Variants in CNTN4 observed in about 807,000 individuals in gnomAD.
The protein encoded by CNTN4 is contactin 4.
Under a neutral mutation model 122.5 loss-of-function variants are expected in CNTN4, and 77 were observed. The ratio of observed to expected loss-of-function variants is 0.63; its 90% confidence interval spans 0.52 to 0.76. The LOEUF (loss-of-function observed/expected upper bound fraction) is 0.76. Ranked by LOEUF, CNTN4 falls within the 30% of genes least tolerant of loss-of-function variation. CNTN4 has a pLI of 0.00. For synonymous variants in CNTN4, 512 were observed against 447.0 expected (o/e 1.15, Z -1.83); for missense variants, 1,256 against 1,259.1 (o/e 1.00, Z 0.04).
intron 9 of CNTN4, among the ~76,000 whole-genome samples, chr3:2,886,702 C>T (rs963840104): frequency 4.0e-5 from 6 of 151,218 alleles, no homozygotes; most frequent in African/African-American, 1.2e-4. Flanking sequence ...TTAGTAGAGA[C>T]GGGGTTTCAC....
Position 2,290,368 on chromosome 3 carries a change from A to G in CNTN4, c.-144-48810A>G, listed in dbSNP as rs17011933. 2.1e-3 allele frequency among the ~76,000 whole-genome samples: 318 copies of G among 152,270 alleles called. 2 individuals carry two copies. The highest frequency in any genetic ancestry group is 6.9e-3 in the African/African-American group (285 of 41,558). On this transcript the variant is annotated intron_variant, in intron 2 of 24. Transcript: ENST00000418658. ...GTTATGACTTGAATAACACTGCACTAATTGTGTTTTATGGAATTGACATTG... is the reference window on the plus strand; with the variant it reads ...GTTATGACTTGAATAACACTGCACTGATTGTGTTTTATGGAATTGACATTG...
At chr3:2,708,012 C>A (rs577639916) in intron 4 of CNTN4, among the ~76,000 whole-genome samples, 7 of 152,114 alleles carry the variant, frequency 4.6e-5, no homozygotes, top group Non-Finnish European at 1.0e-4. Context: ...AAAATGATTA[C>A]TTGTTTTATA....
intron 4 of CNTN4, among the ~76,000 whole-genome samples, chr3:2,657,078 A>C (rs562709598): frequency 6.6e-6 from 1 of 152,368 alleles, no homozygotes; most frequent in African/African-American, 2.4e-5. Flanking sequence ...CAACTGTTAC[A>C]GCTTGGAAAA....
At chr3:2,522,295 T>G (rs548615421) in intron 3 of CNTN4, among the ~76,000 whole-genome samples, 7 of 152,106 alleles carry the variant, frequency 4.6e-5, no homozygotes, top group Non-Finnish European at 8.8e-5. Flanking sequence ...TGATTCAAAT[T>G]GATGTAGTAT....
intron 3 of CNTN4, among the ~76,000 whole-genome samples, chr3:2,433,120 C>G (rs2048137775): frequency 6.6e-6 from 1 of 152,138 alleles, no homozygotes; most frequent in Non-Finnish European, 1.5e-5. Flanking sequence ...CAGTGCCCAG[C>G]AAAACACACT....
chr3:2,219,832 A>G (rs1004516193), intron 2 of CNTN4, among the ~76,000 whole-genome samples: 8 of 152,096 alleles, frequency 5.3e-5, no homozygotes, highest in Admixed American at 4.6e-4. Flanking sequence ...CATTTTTTTC[A>G]GAAATATAGA....
At chr3:2,706,496 AAAAG>A (rs1391944364) in intron 4 of CNTN4, among the ~76,000 whole-genome samples, 4 of 152,198 alleles carry the variant, frequency 2.6e-5, no homozygotes, top group African/African-American at 9.7e-5. Context: ...TGCGATTTGC[AAAAG>A]AGAGTGATAT....
chr3:2,806,365 C>A (rs1348243594), intron 6 of CNTN4, among the ~76,000 whole-genome samples: 1 of 152,184 alleles, frequency 6.6e-6, no homozygotes, highest in Non-Finnish European at 1.5e-5. Flanking sequence ...TCTTCACATT[C>A]CTCACAACAT....
chr3:2,121,734 C>G (rs1041045303), intron 2 of CNTN4, among the ~76,000 whole-genome samples: 1 of 152,068 alleles, frequency 6.6e-6, no homozygotes, highest in Non-Finnish European at 1.5e-5. Flanking sequence ...GGTAATTATC[C>G]ATATAATTTG....
chr3:2,467,743 T>C (rs1403062266), intron 3 of CNTN4, among the ~76,000 whole-genome samples: 2 of 152,188 alleles, frequency 1.3e-5, no homozygotes, highest in African/African-American at 4.8e-5. Context: ...CAACAGAAGA[T>C]AATAATCTTT....
At chr3:2,208,930 T>G (rs1287217554) in intron 2 of CNTN4, among the ~76,000 whole-genome samples, 2 of 152,130 alleles carry the variant, frequency 1.3e-5, no homozygotes, top group African/African-American at 4.8e-5. Context: ...GCACACCAGA[T>G]AGCCTACAGT....
At chr3:2,185,197 C>T (rs944421700) in intron 2 of CNTN4, among the ~76,000 whole-genome samples, 3 of 152,158 alleles carry the variant, frequency 2.0e-5, no homozygotes, top group Non-Finnish European at 2.9e-5. Flanking sequence ...GATGTATCCA[C>T]TGAGACAAAT....
At chr3:2,493,450 C>T (rs1029983024) in intron 3 of CNTN4, among the ~76,000 whole-genome samples, 1 of 150,642 alleles carries the variant, frequency 6.6e-6, no homozygotes. Flanking sequence ...CATTTCTGGC[C>T]TCCCTCATTT....
intron 10 of CNTN4, among the ~76,000 whole-genome samples, chr3:2,892,514 T>C (rs1248518456): frequency 6.6e-6 from 1 of 152,240 alleles, no homozygotes; most frequent in Admixed American, 6.5e-5. Flanking sequence ...GCAATTATCT[T>C]TGAAGAAAGG....
chr3:2,800,994 C>A (rs1559517885), intron 6 of CNTN4, among the ~76,000 whole-genome samples: 1 of 152,166 alleles, frequency 6.6e-6, no homozygotes, highest in African/African-American at 2.4e-5. Flanking sequence ...TCTCTCAATC[C>A]CTCTGATTCT....
At chr3:3,001,516 T>C (rs1696044984) in intron 14 of CNTN4, among the ~76,000 whole-genome samples, 1 of 152,212 alleles carries the variant, frequency 6.6e-6, no homozygotes, top group South Asian at 2.1e-4. Flanking sequence ...CACAGACTTG[T>C]ATTGTTTGGC....
intron 6 of CNTN4, among the ~76,000 whole-genome samples, chr3:2,767,697 T>A (rs1182761716): frequency 6.6e-6 from 1 of 152,136 alleles, no homozygotes; most frequent in Non-Finnish European, 1.5e-5. Flanking sequence ...TGAATTCTGA[T>A]CCCCTTTCTG....
At chr3:2,332,570 G>C (rs1343544029) in intron 2 of CNTN4, among the ~76,000 whole-genome samples, 1 of 151,898 alleles carries the variant, frequency 6.6e-6, no homozygotes, top group Non-Finnish European at 1.5e-5. Flanking sequence ...TTTTCTTGCT[G>C]ATTAAAATCC....
chr3:2,227,114 G>T (rs966919088), intron 2 of CNTN4, among the ~76,000 whole-genome samples: 35 of 152,082 alleles, frequency 2.3e-4, no homozygotes, highest in African/African-American at 8.5e-4. Flanking sequence ...GCAGATATGT[G>T]CATTCATTGT....
Sources: allele counts gnomAD v4.1 joint callset (sites outside exome capture counted in the v4.1 genomes callset), GRCh38; gene constraint gnomAD v4.1.1; transcripts MANE v1.5; gene names NCBI Gene and HGNC (gene_info 2026-07-23, HGNC 2026-07-21).